Variants in UBE2L6 observed in about 807,000 individuals in gnomAD.
UBE2L6 encodes the protein ubiquitin conjugating enzyme E2 L6.
In UBE2L6, 11 loss-of-function variants were observed where a neutral mutation model predicts 13.6. The observed-to-expected ratio is 0.81, with a 90% CI of 0.51 to 1.34. The LOEUF (loss-of-function observed/expected upper bound fraction) is 1.34, where lower values mean the gene tolerates loss of function less well. Among genes scored for constraint, UBE2L6 ranks in the 40% most tolerant of loss-of-function variants. The pLI is 0.00. For synonymous variants in UBE2L6, 74 were observed against 83.2 expected, an observed-to-expected ratio of 0.89 and a Z score of 0.60; for missense variants, 197 against 199.5, an observed-to-expected ratio of 0.99 and a Z score of 0.07.
At chr11:57,566,427 T>G (rs1212170770) in intron 1 of UBE2L6, among the ~76,000 whole-genome samples, 1 of 152,212 alleles carries the variant, frequency 6.6e-6, no homozygotes, top group African/African-American at 2.4e-5. Flanking sequence ...GACAAGCAAG[T>G]TATTTCCTCT....
intron 1 of UBE2L6, among the ~76,000 whole-genome samples, chr11:57,565,883 C>T (rs1479597686): frequency 6.6e-6 from 1 of 152,076 alleles, no homozygotes; most frequent in Non-Finnish European, 1.5e-5. Flanking sequence ...GGGGAGGGGT[C>T]CTTTAACACT....
chr11:57,555,845 C>T (rs934942334), intron 2 of UBE2L6, among the ~76,000 whole-genome samples: 7 of 152,184 alleles, frequency 4.6e-5, no homozygotes, highest in Admixed American at 6.5e-5. Flanking sequence ...ACTGGGATTA[C>T]GAGCGTGAGC....
rs894296457 is a variant in UBE2L6, at chr11:57,567,545, A to G, written c.27+40T>C. 1.9e-6 allele frequency: 3 copies of G among 1,601,056 alleles called. No individual in the cohort carries two copies. The African/African-American group carries it at 4.0e-5, about 21-fold the overall frequency. On this transcript the variant is annotated intron_variant, in intron 1 of 3. Coordinates refer to ENST00000287156, the MANE Select transcript of UBE2L6 (RefSeq NM_004223.5). Reference sequence around the variant, plus strand: ...GAGGGAGGAGGGAATGCGGGAGGCGAGGGGAGCCAAGAGAAAGGGGTCATC... The same window carrying G: ...GAGGGAGGAGGGAATGCGGGAGGCGGGGGGAGCCAAGAGAAAGGGGTCATC...
At chr11:57,561,852 C>T (rs1384731043) in intron 1 of UBE2L6, among the ~76,000 whole-genome samples, 1 of 152,188 alleles carries the variant, frequency 6.6e-6, no homozygotes, top group Non-Finnish European at 1.5e-5. Flanking sequence ...TGTGGGACTA[C>T]AGGCCTTTTC....
intron 2 of UBE2L6, among the ~76,000 whole-genome samples, chr11:57,555,773 T>C (rs530147899): frequency 4.6e-5 from 7 of 152,322 alleles, no homozygotes; most frequent in South Asian, 4.1e-4. Context: ...AGGGTCTCAC[T>C]GTGCCAGGGC....
At chr11:57,566,174 G>A (rs926970218) in intron 1 of UBE2L6, among the ~76,000 whole-genome samples, 2 of 152,130 alleles carry the variant, frequency 1.3e-5, no homozygotes, top group East Asian at 3.8e-4. Context: ...TCCAGGTCTT[G>A]GAAAGATAAA....
chr11:57,554,649 C>T (rs1487958340), intron 2 of UBE2L6, 26 bp from the exon 3 acceptor site: 20 of 1,613,198 alleles, frequency 1.2e-5, no homozygotes, highest in Non-Finnish European at 1.7e-5. Flanking sequence ...AGGGGTCAAG[C>T]TCCAGTCTGG....
At chr11:57,556,528 G>A (rs1284417988) in intron 2 of UBE2L6, among the ~76,000 whole-genome samples, 14 of 141,724 alleles carry the variant, frequency 9.9e-5, no homozygotes, top group Non-Finnish European at 1.5e-4. Flanking sequence ...GGAGGCTGAC[G>A]TTGTGGTGAG....
In UBE2L6 at chr11:57,552,229, A is replaced by T. The variant is rs766024046; in HGVS notation, c.*129T>A. On this transcript the variant is annotated 3_prime_UTR_variant, in exon 4 of 4. Transcript: ENST00000287156. ...TTCCCTCCACCACACACACACACAA[A>T]CTAATGACTAACAACCTAAGAAGGG... 3.0e-6 allele frequency: 4 copies of T among 1,325,626 alleles called. No homozygotes were observed. Among genetic ancestry groups the T allele is most frequent in the Non-Finnish European group, 4.2e-6 (4 of 951,920 alleles). 82.1% of individuals were successfully genotyped at this position (1,325,626 alleles called of 1,614,324 possible).
At chr11:57,557,636 C>T (rs1048262083) in intron 2 of UBE2L6, among the ~76,000 whole-genome samples, 6 of 152,116 alleles carry the variant, frequency 3.9e-5, no homozygotes, top group East Asian at 1.9e-4. Flanking sequence ...TCAGGTGATC[C>T]GCCCTCCTCG....
chr11:57,567,289 T>A, intron 1 of UBE2L6: 1 of 530,992 alleles, frequency 1.9e-6, no homozygotes, highest in South Asian at 2.0e-5. Context: ...ACCCAGTTGT[T>A]ATCACAAGTT....
Position 57,552,447 on chromosome 11 carries a change from G to A in UBE2L6, c.373C>T (p.Leu125Phe). Reference sequence around the variant, plus strand: ...GGATTCTGTGTCAGCAGGTCAGCGAGGTCCATCCGCAGGGGCTCCCTGATA... The same window carrying A: ...GGATTCTGTGTCAGCAGGTCAGCGAAGTCCATCCGCAGGGGCTCCCTGATA... The part of the protein sequence containing the change: ...PNIREPLRMD[L>F]ADLLTQNPEL... Residue 125 changes from leucine (L) to phenylalanine (F), a missense_variant, in exon 4 of 4, where the codon CTC becomes TTC. Coordinates refer to ENST00000287156, the MANE Select transcript of UBE2L6 (RefSeq NM_004223.5). 2 of 1,614,172 alleles carry A rather than the reference G, an allele frequency of 1.2e-6. No individual in the cohort carries two copies. The highest frequency in any genetic ancestry group is 1.7e-6 in the Non-Finnish European group (2 of 1,180,018).
At chr11:57,556,309 G>T (rs575550819) in intron 2 of UBE2L6, among the ~76,000 whole-genome samples, 1 of 152,288 alleles carries the variant, frequency 6.6e-6, no homozygotes, top group East Asian at 1.9e-4. Flanking sequence ...ACTAGGCCGG[G>T]CACGATGGCT....
chr11:57,561,685 G>C (rs1479185799), intron 1 of UBE2L6, among the ~76,000 whole-genome samples: 2 of 152,178 alleles, frequency 1.3e-5, no homozygotes, highest in Admixed American at 1.3e-4. Context: ...AGTACATTTG[G>C]TAAATCTCGG....
chr11:57,561,106 A>G (rs1180459016), intron 1 of UBE2L6, among the ~76,000 whole-genome samples: 1 of 152,124 alleles, frequency 6.6e-6, no homozygotes, highest in Non-Finnish European at 1.5e-5. Context: ...TCTTCCTAGA[A>G]AGTCACTAGG....
At chr11:57,564,175 AG>A (rs1945068228) in intron 1 of UBE2L6, among the ~76,000 whole-genome samples, 1 of 152,226 alleles carries the variant, frequency 6.6e-6, no homozygotes, top group Non-Finnish European at 1.5e-5. Context: ...CCCAGATGTC[AG>A]GGATTAAAGA....
chr11:57,559,597 A>G (rs1945023451), intron 2 of UBE2L6, among the ~76,000 whole-genome samples: 1 of 152,142 alleles, frequency 6.6e-6, no homozygotes, highest in Admixed American at 6.6e-5. Flanking sequence ...GTGACACAGT[A>G]AGACTCTGTC....
intron 3 of UBE2L6, among the ~76,000 whole-genome samples, chr11:57,553,387 G>A (rs1944973669): frequency 6.6e-6 from 1 of 152,188 alleles, no homozygotes; most frequent in South Asian, 2.1e-4. Context: ...CCAGTTACTC[G>A]GGAGGCTGAG....
intron 3 of UBE2L6, among the ~76,000 whole-genome samples, chr11:57,553,813 G>A (rs953288696): frequency 6.6e-6 from 1 of 152,134 alleles, no homozygotes; most frequent in African/African-American, 2.4e-5. Context: ...GCGACAGAGC[G>A]AGACTCTGTC....
Sources: allele counts gnomAD v4.1 joint callset (sites outside exome capture counted in the v4.1 genomes callset), GRCh38; gene constraint gnomAD v4.1.1; transcripts MANE v1.5; gene names NCBI Gene and HGNC (gene_info 2026-07-23, HGNC 2026-07-21).